Variants in USP25 observed in about 807,000 individuals in gnomAD.
USP25 encodes the protein ubiquitin specific peptidase 25, also known as ubiquitin carboxyl-terminal hydrolase 25.
A neutral mutation model predicts 158.5 loss-of-function variants in USP25; 85 were observed. That is an observed-to-expected ratio of 0.54 (90% CI 0.45 to 0.64). USP25 has a LOEUF of 0.64. USP25 is among the 30% of genes least tolerant of loss of function. The pLI is 0.00. For synonymous variants in USP25, 464 were observed against 460.4 expected, an observed-to-expected ratio of 1.01 and a Z score of -0.10; for missense variants, 1,242 against 1,327.3, an observed-to-expected ratio of 0.94 and a Z score of 1.00.
chr21:15,733,095 C>T (rs1309286802), intron 1 of USP25, among the ~76,000 whole-genome samples: 1 of 118,606 alleles, frequency 8.4e-6, no homozygotes, highest in Admixed American at 1.2e-4. Context: ...AAATTTGATA[C>T]ATAGATTCAA....
At chr21:15,876,940 G>C (rs1432947869) in intron 24 of USP25, 2 of 151,842 alleles carry the variant, frequency 1.3e-5, no homozygotes, top group Admixed American at 1.3e-4. Context: ...AAATATTATA[G>C]GTCTTATACC....
chr21:15,866,575 GTTTT>G (rs1370099971), intron 22 of USP25, among the ~76,000 whole-genome samples: 3 of 151,990 alleles, frequency 2.0e-5, no homozygotes, highest in South Asian at 2.1e-4. Context: ...AAGATTTTTG[GTTTT>G]TTATTTCAAT....
intron 17 of USP25, 114 bp downstream of exon 17, chr21:15,833,662 C>A (rs2037921625): frequency 2.1e-6 from 2 of 960,388 alleles, no homozygotes; most frequent in South Asian, 1.8e-5. Flanking sequence ...CAGTAGAAAT[C>A]ATTTCAAATT....
chr21:15,842,694 T>C (rs1318764486), intron 18 of USP25, among the ~76,000 whole-genome samples, 154 bp downstream of exon 18: 1 of 152,170 alleles, frequency 6.6e-6, no homozygotes, highest in East Asian at 1.9e-4. Flanking sequence ...AGTCATCTCA[T>C]GCCCAGGCTG....
At chr21:15,866,243 A>G (rs767644112) in intron 21 of USP25, 23 bp from the exon 22 acceptor site, 4 of 1,548,280 alleles carry the variant, frequency 2.6e-6, no homozygotes, top group South Asian at 1.2e-5. Flanking sequence ...ACACACGCTC[A>G]TATGTATGTG....
At chr21:15,852,107 G>T (rs1335344524) in intron 20 of USP25, among the ~76,000 whole-genome samples, 1 of 152,098 alleles carries the variant, frequency 6.6e-6, no homozygotes, top group Non-Finnish European at 1.5e-5. Flanking sequence ...TGAGGTAAAA[G>T]TTTTCAAGTT....
chr21:15,794,502 G>A (rs983415234), intron 5 of USP25, among the ~76,000 whole-genome samples: 1 of 151,516 alleles, frequency 6.6e-6, no homozygotes, highest in African/African-American at 2.4e-5. Flanking sequence ...TAGCTATTTG[G>A]AGGTGTATGT....
intron 19 of USP25, among the ~76,000 whole-genome samples, chr21:15,848,849 A>G (rs983402053): frequency 1.3e-5 from 2 of 152,186 alleles, no homozygotes; most frequent in African/African-American, 4.8e-5. Flanking sequence ...AAGTAAATAC[A>G]ATGAGTAATA....
intron 23 of USP25, among the ~76,000 whole-genome samples, chr21:15,871,563 C>T (rs2039885975): frequency 6.6e-6 from 1 of 152,000 alleles, no homozygotes. Context: ...CATGTAAGTA[C>T]AAAATGTATT....
intron 24 of USP25, 27 bp from the exon 25 acceptor site, chr21:15,877,769 C>CTTTTTTTTTT: frequency 7.5e-7 from 1 of 1,335,526 alleles, no homozygotes; most frequent in Non-Finnish European, 1.0e-6. Context: ...AAAACCTATT[C>CTTTTTTTTTT]TTTTTTTTTT....
chr21:15,844,272 A>C (rs922295873), intron 18 of USP25, among the ~76,000 whole-genome samples: 1 of 152,126 alleles, frequency 6.6e-6, no homozygotes, highest in Non-Finnish European at 1.5e-5. Flanking sequence ...GTACACTAGA[A>C]GCTAAATTGC....
intron 22 of USP25, among the ~76,000 whole-genome samples, chr21:15,867,599 GT>G (rs2039711514): frequency 6.6e-6 from 1 of 152,126 alleles, no homozygotes; most frequent in Non-Finnish European, 1.5e-5. Flanking sequence ...ATCATTATTT[GT>G]AGTTTTTTTT....
In USP25 at chr21:15,730,361, ACCGCCG is replaced by A. The variant is rs566061228; in HGVS notation, c.-13_-8del. ...GCGGAGGCGCGAGGAGCCGGGCGCC[ACCGCCG>A]CCGCCGCCGCCGCCGCCGCGGGGGC... is the stretch of plus-strand genomic sequence containing the variant. On this transcript the variant is annotated 5_prime_UTR_variant, in exon 1 of 26. Coordinates refer to ENST00000400183, the MANE Select transcript of USP25 (RefSeq NM_001283041.3). 75 of 1,179,474 alleles carry A rather than the reference ACCGCCG, an allele frequency of 6.4e-5. No homozygotes were observed. Among genetic ancestry groups the A allele is most frequent in the African/African-American group, 2.2e-4 (13 of 58,096 alleles). The allele number at this position is 1,179,474 out of a possible 1,614,324, so 73.1% of individuals were successfully genotyped here. A position where few individuals can be genotyped will look rare whatever the true frequency, so the allele number is the denominator to read the frequency against.
intron 4 of USP25, among the ~76,000 whole-genome samples, chr21:15,780,386 A>C (rs967680430): frequency 6.6e-6 from 1 of 152,176 alleles, no homozygotes; most frequent in South Asian, 2.1e-4. Context: ...TGTATTTATT[A>C]TCTCTTGATT....
chr21:15,868,972 T>C (rs1416691396), intron 22 of USP25, among the ~76,000 whole-genome samples: 2 of 152,188 alleles, frequency 1.3e-5, no homozygotes, highest in African/African-American at 2.4e-5. Flanking sequence ...AGACTGGATG[T>C]GGTGGCTCAT....
At chr21:15,794,988 A>G (rs1029500142) in intron 5 of USP25, among the ~76,000 whole-genome samples, 2 of 151,624 alleles carry the variant, frequency 1.3e-5, no homozygotes, top group Non-Finnish European at 3.0e-5. Context: ...ATGCTTATTC[A>G]TACTCCTTGC....
intron 10 of USP25, among the ~76,000 whole-genome samples, chr21:15,822,589 G>C (rs2037287431): frequency 6.6e-6 from 1 of 151,994 alleles, no homozygotes; most frequent in Non-Finnish European, 1.5e-5. Context: ...GATAGTTCTT[G>C]AAATCTACTT....
At chr21:15,793,082 T>C (rs2035679674) in intron 5 of USP25, among the ~76,000 whole-genome samples, 1 of 151,584 alleles carries the variant, frequency 6.6e-6, no homozygotes, top group Non-Finnish European at 1.5e-5. Context: ...ATATTAAGTA[T>C]AGTTTTAAGG....
intron 4 of USP25, among the ~76,000 whole-genome samples, chr21:15,783,567 G>A (rs937288717): frequency 1.3e-5 from 2 of 152,006 alleles, no homozygotes; most frequent in African/African-American, 4.8e-5. Context: ...AGGAGAGAGT[G>A]GGATGACATA....
Sources: gnomAD v4.1 joint callset for allele counts (sites outside exome capture counted in the v4.1 genomes callset) on GRCh38, gnomAD v4.1.1 for gene constraint, MANE v1.5 for transcripts, NCBI Gene and HGNC (gene_info 2026-07-23, HGNC 2026-07-21) for gene names.